Variants in BBS9 observed in about 807,000 individuals in gnomAD.
BBS9 encodes protein PTHB1.
Under a neutral mutation model 117.7 loss-of-function variants are expected in BBS9, and 89 were observed. The ratio of observed to expected loss-of-function variants is 0.76; its 90% CI spans 0.64 to 0.90. BBS9 has a LOEUF of 0.90. Ranked by LOEUF, BBS9 falls within the 40% of genes least tolerant of loss-of-function variation. BBS9 has a pLI of 0.00. For synonymous variants in BBS9, 379 were observed against 370.9 expected (o/e 1.02, Z -0.25); for missense variants, 982 against 1,042.2 (o/e 0.94, Z 0.80).
intron 21 of BBS9, among the ~76,000 whole-genome samples, chr7:33,537,448 TTTG>T (rs1345793189): frequency 1.3e-5 from 2 of 152,254 alleles, no homozygotes; most frequent in African/African-American, 2.4e-5. Flanking sequence ...TGGTGAACTT[TTTG>T]TTGTTGTTGC....
chr7:33,352,824 C>A, intron 14 of BBS9, 35 bp from the exon 15 acceptor site: 1 of 1,608,612 alleles, frequency 6.2e-7, no homozygotes, highest in Non-Finnish European at 8.5e-7. Flanking sequence ...CCTTCTTTTC[C>A]CCCTACCCAT....
chr7:33,208,225 T>A (rs2128221483), intron 5 of BBS9, among the ~76,000 whole-genome samples: 1 of 152,374 alleles, frequency 6.6e-6, no homozygotes, highest in East Asian at 1.9e-4. Context: ...TCTAAGTGAA[T>A]ATCTGGCTCT....
At chr7:33,238,592 C>A (rs1033901978) in intron 5 of BBS9, among the ~76,000 whole-genome samples, 2 of 152,074 alleles carry the variant, frequency 1.3e-5, no homozygotes, top group Non-Finnish European at 2.9e-5. Flanking sequence ...ACATGACCGA[C>A]CCTTGTTTTT....
At chr7:33,130,741 A>T (rs1240577587) in intron 1 of BBS9, among the ~76,000 whole-genome samples, 1 of 152,156 alleles carries the variant, frequency 6.6e-6, no homozygotes, top group Admixed American at 6.5e-5. Flanking sequence ...GAATTAAAAA[A>T]AAAACTAGAA....
intron 19 of BBS9, among the ~76,000 whole-genome samples, chr7:33,451,744 T>A: frequency 6.6e-6 from 1 of 152,236 alleles, no homozygotes; most frequent in Non-Finnish European, 1.5e-5. Context: ...GGGATTTTGA[T>A]AGGGATTTTA....
intron 19 of BBS9, among the ~76,000 whole-genome samples, chr7:33,494,431 G>A (rs983913479): frequency 8.5e-5 from 13 of 152,182 alleles, no homozygotes; most frequent in African/African-American, 2.4e-4. Context: ...AACACTTGCA[G>A]TAAACTCAGC....
chr7:33,553,961 G>A (rs1266297491), intron 21 of BBS9, among the ~76,000 whole-genome samples: 1 of 152,118 alleles, frequency 6.6e-6, no homozygotes, highest in East Asian at 1.9e-4. Context: ...AGAGTTTGTG[G>A]TGGAGGCTAC....
Position 33,604,970 on chromosome 7 carries a change from G to GT in BBS9, c.2627_2628insT (p.Arg876SerfsTer3). ...AGACATCTCACTGCAGAGACACCCA[G>GT]GCCTGGTAAGAGACTGGATGGCCTT... On this transcript the variant is annotated frameshift_variant, in exon 22 of 23. Transcript: ENST00000242067. LOFTEE classifies it high-confidence loss of function. The GT allele has an allele frequency of 6.2e-7, 1 of 1,607,166 alleles. No homozygotes were observed. The highest frequency in any genetic ancestry group is 1.1e-5 in the South Asian group (1 of 90,906).
At chr7:33,230,852 A>G (rs1288765147) in intron 5 of BBS9, among the ~76,000 whole-genome samples, 1 of 152,206 alleles carries the variant, frequency 6.6e-6, no homozygotes, top group Non-Finnish European at 1.5e-5. Flanking sequence ...CCATATCTTT[A>G]CAACTGTGAA....
intron 8 of BBS9, 137 bp downstream of exon 8, chr7:33,273,332 C>T: frequency 1.0e-6 from 1 of 955,418 alleles, no homozygotes; most frequent in Non-Finnish European, 1.6e-6. Context: ...GAAATTTTAA[C>T]TTTCAAAGTT....
chr7:33,162,200 T>C (rs529678164), intron 4 of BBS9, among the ~76,000 whole-genome samples: 3 of 152,332 alleles, frequency 2.0e-5, no homozygotes, highest in African/African-American at 7.2e-5. Flanking sequence ...TTTAAGTCTT[T>C]AATCTATCTT....
chr7:33,594,172 A>G (rs1862358907), intron 21 of BBS9, among the ~76,000 whole-genome samples: 1 of 152,130 alleles, frequency 6.6e-6, no homozygotes. Context: ...GGACCTCTTA[A>G]AATGTATTAG....
At chr7:33,362,521 C>T (rs1239293884) in intron 16 of BBS9, among the ~76,000 whole-genome samples, 1 of 152,118 alleles carries the variant, frequency 6.6e-6, no homozygotes, top group African/African-American at 2.4e-5. Context: ...TCAGACTATC[C>T]TTTTCCACTG....
chr7:33,394,470 G>C (rs1180032530), intron 19 of BBS9, among the ~76,000 whole-genome samples: 1 of 151,958 alleles, frequency 6.6e-6, no homozygotes, highest in African/African-American at 2.4e-5. Flanking sequence ...GTATGTGGGT[G>C]GTGAAATAAT....
intron 21 of BBS9, among the ~76,000 whole-genome samples, chr7:33,547,998 C>T (rs1054392667): frequency 6.6e-6 from 1 of 151,804 alleles, no homozygotes; most frequent in Non-Finnish European, 1.5e-5. Flanking sequence ...CCATCAAAGA[C>T]CTCATAGAAT....
chr7:33,502,177 G>C (rs1447283152), intron 19 of BBS9, among the ~76,000 whole-genome samples: 1 of 152,098 alleles, frequency 6.6e-6, no homozygotes, highest in Non-Finnish European at 1.5e-5. Context: ...CAAAGTGCTG[G>C]GATTACAGGT....
intron 18 of BBS9, among the ~76,000 whole-genome samples, chr7:33,386,060 A>C (rs574048491): frequency 2.8e-4 from 42 of 152,190 alleles, no homozygotes; most frequent in Non-Finnish European, 6.0e-4. Flanking sequence ...CAGCGCACCG[A>C]CATGGCACAT....
At chr7:33,252,529 T>C (rs910673968) in intron 5 of BBS9, among the ~76,000 whole-genome samples, 13 of 152,230 alleles carry the variant, frequency 8.5e-5, no homozygotes, top group African/African-American at 2.9e-4. Context: ...TATCTTAGAA[T>C]TGGCATTTCT....
chr7:33,330,719 A>G (rs1192640690), intron 9 of BBS9, among the ~76,000 whole-genome samples: 1 of 152,162 alleles, frequency 6.6e-6, no homozygotes, highest in Non-Finnish European at 1.5e-5. Context: ...TTCATGCCCC[A>G]TTGCTGAAAT....
Sources: gnomAD v4.1 joint callset for allele counts (sites outside exome capture counted in the v4.1 genomes callset) on GRCh38, gnomAD v4.1.1 for gene constraint, MANE v1.5 for transcripts, NCBI Gene and HGNC (gene_info 2026-07-23, HGNC 2026-07-21) for gene names.